The following BCR variants were observed in gnomAD, a reference collection of about 807,000 sequenced individuals.
BCR encodes breakpoint cluster region protein.
A neutral mutation model predicts 138.6 loss-of-function variants in BCR; 58 were observed. That is an observed-to-expected ratio of 0.42 (90% confidence interval 0.34 to 0.52). The LOEUF (loss-of-function observed/expected upper bound fraction) is 0.52, where lower values mean the gene tolerates loss of function less well. Ranked by LOEUF, BCR falls within the 20% of genes least tolerant of loss-of-function variation. The probability of loss-of-function intolerance (pLI) is 0.06; values close to 1 mark genes in which losing one functional copy is unlikely to be tolerated. For missense variants in BCR, 1,599 were observed against 1,727.2 expected, an observed-to-expected ratio of 0.93 and a Z score of 1.32; for synonymous variants, 786 against 730.1, an observed-to-expected ratio of 1.08 and a Z score of -1.23.
chr22:23,297,221 G>GTTTTTT (rs796682596), intron 16 of BCR, among the ~76,000 whole-genome samples: 1 of 114,912 alleles, frequency 8.7e-6, no homozygotes, highest in Non-Finnish European at 1.7e-5. Context: ...TTTGTTTTTT[G>GTTTTTT]TTTTTTTTTT....
chr22:23,289,301 A>G (rs2073755627), intron 12 of BCR, among the ~76,000 whole-genome samples: 1 of 151,404 alleles, frequency 6.6e-6, no homozygotes. Context: ...TCATGCTAAG[A>G]CTCCTCCAGG....
intron 4 of BCR, chr22:23,263,767 T>A (rs1014347739): frequency 7.0e-7 from 1 of 1,424,632 alleles, no homozygotes; most frequent in Non-Finnish European, 9.9e-7. Flanking sequence ...CATATCATTG[T>A]GAGTGGCTCC....
chr22:23,181,140 G>C lies in BCR; in HGVS notation c.180G>C (p.Gln60His). 6.8e-7 allele frequency: 1 copy of C among 1,476,806 alleles called. No homozygotes were observed. The highest frequency in any genetic ancestry group is 9.1e-7 in the Non-Finnish European group (1 of 1,103,230). 91.5% of individuals were successfully genotyped at this position (1,476,806 alleles called of 1,614,324 possible). Residue 60 changes from glutamine to histidine, a missense_variant, in exon 1 of 23, where the codon CAG (glutamine) becomes CAC (histidine). Gln to His is a conservative substitution (Grantham distance 24, BLOSUM62 0). Around this residue, in one of 4 missense-constraint regions of BCR, gnomAD observed 806 missense variants for 635.0 expected, o/e 1.27. Coordinates refer to ENST00000305877, the MANE Select transcript of BCR (RefSeq NM_004327.4). ...AGCGCTTCCGCATGATCTACCTGCAGACGTTGCTGGCCAAGGAAAAGAAGA... is the reference window on the plus strand; with the variant it reads ...AGCGCTTCCGCATGATCTACCTGCACACGTTGCTGGCCAAGGAAAAGAAGA... ...NQERFRMIYLQTLLAKEKKSY... is the reference protein window; with the variant it reads ...NQERFRMIYLHTLLAKEKKSY...
chr22:23,205,202 G>A (rs940387308), intron 1 of BCR, among the ~76,000 whole-genome samples: 2 of 152,188 alleles, frequency 1.3e-5, no homozygotes, highest in Non-Finnish European at 2.9e-5. Context: ...TTGGTACTGA[G>A]CTGGCCGGTG....
intron 4 of BCR, chr22:23,263,559 G>A: frequency 6.3e-7 from 1 of 1,574,896 alleles, no homozygotes; most frequent in Non-Finnish European, 8.7e-7. Context: ...CCGTCCAGAT[G>A]GTGCCAGCTT....
chr22:23,205,902 G>A (rs116560196), intron 1 of BCR, among the ~76,000 whole-genome samples: 3 of 152,172 alleles, frequency 2.0e-5, no homozygotes, highest in South Asian at 2.1e-4. Flanking sequence ...GTTTCACAGC[G>A]AGCTGCCTCC....
chr22:23,288,060 C>T (rs374859887), intron 11 of BCR, 37 bp from the exon 12 acceptor site: 7 of 1,598,626 alleles, frequency 4.4e-6, no homozygotes, highest in African/African-American at 2.7e-5. Context: ...GTAGCCAGGG[C>T]GGAGATAACT....
At chr22:23,302,365 G>C (rs1209416194) in intron 16 of BCR, 1 of 152,426 alleles carries the variant, frequency 6.6e-6, no homozygotes, top group African/African-American at 2.4e-5. Context: ...GGCCTGCCAG[G>C]GACCTCTGCC....
intron 1 of BCR, among the ~76,000 whole-genome samples, chr22:23,195,287 G>A (rs980182785): frequency 6.6e-6 from 1 of 152,058 alleles, no homozygotes; most frequent in Non-Finnish European, 1.5e-5. Flanking sequence ...GGGCATGGTG[G>A]CACATGCCTG....
At chr22:23,194,817 C>T (rs368995647) in intron 1 of BCR, among the ~76,000 whole-genome samples, 12 of 151,248 alleles carry the variant, frequency 7.9e-5, no homozygotes, top group Admixed American at 3.9e-4. Context: ...GGCATGTGCC[C>T]GTAATCTCAG....
At chr22:23,229,792 G>A (rs2072933904) in intron 1 of BCR, among the ~76,000 whole-genome samples, 1 of 152,198 alleles carries the variant, frequency 6.6e-6, no homozygotes, top group Admixed American at 6.5e-5. Flanking sequence ...TGATTAGAAG[G>A]CAGTTCCCCC....
At chr22:23,314,801 T>G in intron 22 of BCR, 87 bp downstream of exon 22, 1 of 1,498,648 alleles carries the variant, frequency 6.7e-7, no homozygotes, top group Non-Finnish European at 9.2e-7. Flanking sequence ...GCCCATCTTC[T>G]TACTTGCATT....
At chr22:23,222,016 A>G (rs549688787) in intron 1 of BCR, among the ~76,000 whole-genome samples, 2 of 152,188 alleles carry the variant, frequency 1.3e-5, no homozygotes, top group South Asian at 2.1e-4. Flanking sequence ...ACTTGAACCC[A>G]GGAGGCGGAG....
Position 23,181,838 on chromosome 22 carries a change from A to G in BCR, c.878A>G (p.Lys293Arg), listed in dbSNP as rs760647932. Reference protein sequence around the residue: ...YVGGMMEGEGKGPLLRSQSTS... With the variant: ...YVGGMMEGEGRGPLLRSQSTS... Reference sequence around the variant, plus strand: ...GGGGGCATGATGGAAGGGGAGGGCAAGGGCCCGCTCCTGCGCAGCCAGAGC... The same window carrying G: ...GGGGGCATGATGGAAGGGGAGGGCAGGGGCCCGCTCCTGCGCAGCCAGAGC... Residue 293 changes from lysine to arginine, a missense_variant, in exon 1 of 23, where the codon AAG becomes AGG. Physicochemically the swap from Lys to Arg is conservative, Grantham distance 26. Coordinates refer to ENST00000305877, the MANE Select transcript of BCR (RefSeq NM_004327.4). 1 of 1,611,722 alleles carries G rather than the reference A, an allele frequency of 6.2e-7. No homozygotes were observed. The highest frequency in any genetic ancestry group is 2.2e-5 in the East Asian group (1 of 44,868).
chr22:23,289,938 C>T (rs1480014205), intron 13 of BCR: 2 of 515,586 alleles, frequency 3.9e-6, no homozygotes, highest in Non-Finnish European at 7.0e-6. Flanking sequence ...TCCCAGCCCT[C>T]CTCTCCTCCA....
chr22:23,284,173 G>A (rs1292862699), intron 9 of BCR, 75 bp downstream of exon 9: 1 of 1,578,010 alleles, frequency 6.3e-7, no homozygotes, highest in African/African-American at 1.4e-5. Flanking sequence ...TCTTGTCATG[G>A]CGGAGGTCAG....
At position 23,180,754 on chromosome 22, in the gene BCR, TCCC is replaced by T. The variant is rs1056838268; in HGVS notation, c.-203_-201del. The stretch of plus-strand genomic sequence containing the variant: ...TAGCGGCGCGCGCAGCCCGCGCCCT[TCCC>T]CCCGGCGCGCCCCGCCCCGCGCGCC... On this transcript the variant is annotated 5_prime_UTR_variant, in exon 1 of 23. Transcript: ENST00000305877. The T allele has an allele frequency of 6.8e-6, 1 of 147,722 alleles. No individual in the cohort carries two copies. Among genetic ancestry groups the T allele is most frequent in the Non-Finnish European group, 1.4e-5 (1 of 70,108 alleles). 9.2% of individuals were successfully genotyped at this position (147,722 alleles called of 1,614,324 possible).
intron 8 of BCR, among the ~76,000 whole-genome samples, chr22:23,277,698 C>T (rs1430584927): frequency 2.0e-5 from 3 of 152,186 alleles, no homozygotes; most frequent in East Asian, 1.9e-4. Context: ...AGTCTGGCAT[C>T]GAGGAGAGGC....
intron 1 of BCR, among the ~76,000 whole-genome samples, chr22:23,222,831 T>C (rs1316349486): frequency 1.3e-5 from 2 of 152,220 alleles, no homozygotes; most frequent in Non-Finnish European, 1.5e-5. Flanking sequence ...TGATAAAGAC[T>C]AACAAGGTGT....
Sources: allele counts gnomAD v4.1 joint callset (sites outside exome capture counted in the v4.1 genomes callset), GRCh38; gene constraint gnomAD v4.1.1; regional missense constraint gnomAD v4.1.1; transcripts MANE v1.5; gene names NCBI Gene and HGNC (gene_info 2026-07-23, HGNC 2026-07-21).